THBS2: variants seen among roughly 807,000 people sequenced by gnomAD.
THBS2 encodes the protein thrombospondin 2, also known as thrombospondin-2.
A neutral mutation model predicts 135.2 loss-of-function variants in THBS2; 47 were observed. That is an observed-to-expected ratio of 0.35 (90% CI 0.28 to 0.44). The LOEUF is 0.44. Among genes scored for constraint, THBS2 ranks in the 20% least tolerant of loss-of-function variants. The pLI is 1.00. For missense variants in THBS2, 1,288 were observed against 1,603.1 expected (o/e 0.80, Z 3.36); for synonymous variants, 639 against 633.8 (o/e 1.01, Z -0.12).
chr6:169,227,247 G>A (rs907881815), intron 15 of THBS2, among the ~76,000 whole-genome samples: 5 of 152,308 alleles, frequency 3.3e-5, no homozygotes, highest in Non-Finnish European at 7.3e-5. Context: ...GAGCTCCAGC[G>A]TGGAGGCGAG....
intron 4 of THBS2, among the ~76,000 whole-genome samples, chr6:169,244,154 A>C (rs1463288304): frequency 7.2e-6 from 1 of 138,566 alleles, no homozygotes; most frequent in Non-Finnish European, 1.5e-5. Context: ...ACAGATCTAG[A>C]TTTCTCTGTG....
At chr6:169,227,112 G>A (rs1779654850) in intron 15 of THBS2, among the ~76,000 whole-genome samples, 1 of 152,196 alleles carries the variant, frequency 6.6e-6, no homozygotes, top group African/African-American at 2.4e-5. Flanking sequence ...GAAATCAGTG[G>A]AAAAGATCAG....
Position 169,248,701 on chromosome 6 carries a change from A to C in THBS2, c.325T>G (p.Ser109Ala). The change falls in exon 3 of 22, where the codon TCC becomes GCC. Residue 109 changes from serine to alanine, a missense_variant. Around this residue, in one of 2 missense-constraint regions of THBS2, gnomAD observed 414 missense variants for 447.0 expected, o/e 0.93. Transcript: ENST00000617924. ...GAGACGATCTCGAACTGCCTCTGGG[A>C]GAGACCGGGGCCCTCCAGAGCCAAC... Reference protein sequence around the residue: ...TLLALEGPGLSQRQFEIVSNG... With the variant: ...TLLALEGPGLAQRQFEIVSNG... 6.2e-7 allele frequency: 1 copy of C among 1,613,694 alleles called. No individual in the cohort carries two copies. Among genetic ancestry groups the C allele is most frequent in the South Asian group, 1.1e-5 (1 of 91,044 alleles).
At chr6:169,219,422 GTGGGTGGATGAATGATATGGATGGA>G (rs1411952361) in intron 21 of THBS2, among the ~76,000 whole-genome samples, 2 of 151,998 alleles carry the variant, frequency 1.3e-5, no homozygotes, top group Non-Finnish European at 2.9e-5. Flanking sequence ...AGATATATGG[GTGGGTGGATGAATGATATGGATGGA>G]TGGGAGGAAA....
intron 13 of THBS2, 64 bp from the exon 14 acceptor site, chr6:169,229,743 A>T: frequency 7.4e-7 from 1 of 1,343,142 alleles, no homozygotes; most frequent in Non-Finnish European, 1.1e-6. Flanking sequence ...TCAGGAATGC[A>T]GGTGAAATGA....
At chr6:169,251,978 G>A (rs556664579) in intron 1 of THBS2, 44 of 152,262 alleles carry the variant, frequency 2.9e-4, no homozygotes, top group African/African-American at 1.1e-3. Context: ...TGCAACCTAG[G>A]GAAACTTACT....
chr6:169,238,994 C>T (rs374872782), intron 7 of THBS2, among the ~76,000 whole-genome samples: 16 of 152,080 alleles, frequency 1.1e-4, no homozygotes, highest in East Asian at 7.7e-4. Flanking sequence ...GAAGGGAACT[C>T]GGGGCAGGGG....
chr6:169,232,778 C>G lies in THBS2; in HGVS notation c.1818G>C (p.Lys606Asn). The change falls in exon 12 of 22, where the codon AAG (lysine) becomes AAC (asparagine). Residue 606 changes from lysine to asparagine, a missense_variant. Physicochemically the swap from Lys to Asn is moderately conservative, Grantham distance 94 (BLOSUM62 0). This residue lies in a region of THBS2 where 874 missense variants were observed against 1,156.1 expected (regional missense o/e 0.76). Transcript: ENST00000617924. The stretch of plus-strand genomic sequence containing the variant: ...GCTGAGTGTTGACACAGCGAGGCAC[C>G]TTGCTGGTGGAGAAGCAGATGTCGG... ...LVPDICFSTS[K>N]VPRCVNTQPG... is the part of the protein sequence containing the mutation. The G allele has an allele frequency of 1.2e-6, 2 of 1,613,958 alleles. No individual in the cohort carries two copies. The highest frequency in any genetic ancestry group is 1.7e-6 in the Non-Finnish European group (2 of 1,179,902).
Position 169,231,861 on chromosome 6 carries a change from A to G in THBS2, c.2151+119T>C, listed in dbSNP as rs1260270564. ...ACCTGGTGATCAGGCAAGAGGCCTG[A>G]GAGACCCTCCTTCCAAATTCCCTGT... On this transcript the variant is annotated intron_variant, in intron 13 of 21. Transcript: ENST00000617924. 4 of 954,936 alleles carry G rather than the reference A, an allele frequency of 4.2e-6. No individual in the cohort carries two copies. The African/African-American group carries it at 6.9e-5, about 16-fold the overall frequency. The allele number at this position is 954,936 out of a possible 1,614,324, so 59.2% of individuals were successfully genotyped here.
At chr6:169,248,368 A>AG in intron 3 of THBS2, 49 bp downstream of exon 3, 34 of 1,548,338 alleles carry the variant, frequency 2.2e-5, no homozygotes, top group Non-Finnish European at 3.0e-5. Flanking sequence ...ATCAGTTCCC[A>AG]GCTAAGCTCT....
chr6:169,218,523 ATGGG>A (rs1173459680), intron 21 of THBS2, among the ~76,000 whole-genome samples: 42 of 110,142 alleles, frequency 3.8e-4, no homozygotes, highest in Non-Finnish European at 4.1e-4. Context: ...GATGAGATGG[ATGGG>A]TGGGTGGGTG....
chr6:169,242,757 C>T (rs1173365717), intron 4 of THBS2, among the ~76,000 whole-genome samples: 2 of 144,624 alleles, frequency 1.4e-5, no homozygotes, highest in Non-Finnish European at 3.1e-5. Context: ...CACCTTCCCA[C>T]CTTCCCATCT....
At chr6:169,221,751 G>C (rs1779438665) in intron 19 of THBS2, among the ~76,000 whole-genome samples, 1 of 152,176 alleles carries the variant, frequency 6.6e-6, no homozygotes, top group Admixed American at 6.5e-5. Context: ...CTGACCCTCA[G>C]ATTCCTGGAT....
rs752133535 is a variant in THBS2, at chr6:169,225,373, C to T, written c.2545G>A (p.Val849Met). ...PLVHNPDQTDVDNDLVGDQCD... is the reference protein window; with the variant it reads ...PLVHNPDQTDMDNDLVGDQCD... ...TGGTCCCCAACAAGGTCATTGTCCACGTCGGTCTAGGGGATGGGGCGTGAG... is the reference window on the plus strand; with the variant it reads ...TGGTCCCCAACAAGGTCATTGTCCATGTCGGTCTAGGGGATGGGGCGTGAG... Residue 849 changes from valine to methionine, a missense_variant, in exon 17 of 22, where the codon GTG (valine) becomes ATG (methionine). Transcript: ENST00000617924. 8.4e-6 allele frequency: 13 copies of T among 1,554,266 alleles called. No individual in the cohort carries two copies. Among genetic ancestry groups the T allele is most frequent in the South Asian group, 5.9e-5 (5 of 84,354 alleles).
chr6:169,217,790 C>T lies in THBS2; in HGVS notation c.*32G>A. On this transcript the variant is annotated 3_prime_UTR_variant, in exon 22 of 22. Transcript: ENST00000617924. ...AGGTGTCTAGGGACCATGGCATGCA[C>T]AGGGCATTGCCGGAAATGCAGCAAA... 6.2e-7 allele frequency: 1 copy of T among 1,610,786 alleles called. No individual in the cohort carries two copies. The highest frequency in any genetic ancestry group is 1.1e-5 in the South Asian group (1 of 90,564).
chr6:169,246,484 G>A (rs1274903492), intron 3 of THBS2, among the ~76,000 whole-genome samples: 1 of 152,218 alleles, frequency 6.6e-6, no homozygotes, highest in Non-Finnish European at 1.5e-5. Context: ...CATGACACAA[G>A]AAATGGAAGT....
intron 6 of THBS2, 59 bp downstream of exon 6, chr6:169,240,393 G>A (rs1041653690): frequency 1.3e-6 from 2 of 1,593,422 alleles, no homozygotes; most frequent in Admixed American, 3.4e-5. Flanking sequence ...AGGCAGTCAG[G>A]TTCTGCCAAG....
At chr6:169,229,503 A>C (rs999609783) in intron 14 of THBS2, 69 bp downstream of exon 14, 2 of 1,252,536 alleles carry the variant, frequency 1.6e-6, no homozygotes, top group Middle Eastern at 1.9e-4. Context: ...TGTTTGGTAT[A>C]AAGTGGCCTC....
chr6:169,239,495 C>T, intron 7 of THBS2, 104 bp downstream of exon 7: 2 of 1,085,222 alleles, frequency 1.8e-6, no homozygotes, highest in South Asian at 3.0e-5. Flanking sequence ...ACTCAGGGGG[C>T]TGAACCTCAC....
Sources: gnomAD v4.1 joint callset for allele counts (sites outside exome capture counted in the v4.1 genomes callset) on GRCh38, gnomAD v4.1.1 for gene constraint, gnomAD v4.1.1 regional missense constraint, MANE v1.5 for transcripts, NCBI Gene and HGNC (gene_info 2026-07-23, HGNC 2026-07-21) for gene names.